SLC9A9: variants seen among roughly 807,000 people sequenced by gnomAD.
SLC9A9 encodes solute carrier family 9 member A9.
SLC9A9 carries 62 observed loss-of-function variants against 77.8 expected under a neutral mutation model. The ratio of observed to expected loss-of-function variants is 0.80; its 90% CI spans 0.65 to 0.98. The LOEUF (loss-of-function observed/expected upper bound fraction) is 0.98, where lower values mean the gene tolerates loss of function less well. Ranked by LOEUF, SLC9A9 falls within the 50% of genes least tolerant of loss-of-function variation. SLC9A9 has a pLI of 0.00. For synonymous variants in SLC9A9, 320 were observed against 283.5 expected, an observed-to-expected ratio of 1.13 and a Z score of -1.29; for missense variants, 775 against 774.9, an observed-to-expected ratio of 1.00 and a Z score of 0.00.
intron 9 of SLC9A9, among the ~76,000 whole-genome samples, chr3:143,520,973 C>A (rs193250613): frequency 1.3e-5 from 2 of 152,288 alleles, no homozygotes; most frequent in Non-Finnish European, 2.9e-5. Context: ...ATTCTGGACA[C>A]TGATCCTTTG....
intron 6 of SLC9A9, among the ~76,000 whole-genome samples, chr3:143,599,426 G>C (rs11915855): frequency 6.6e-6 from 1 of 151,836 alleles, no homozygotes; most frequent in Non-Finnish European, 1.5e-5. Context: ...AAAGAAATAC[G>C]GCTGTGCTTA....
At chr3:143,533,000 CA>C (rs2036537979) in intron 9 of SLC9A9, among the ~76,000 whole-genome samples, 1 of 152,222 alleles carries the variant, frequency 6.6e-6, no homozygotes, top group African/African-American at 2.4e-5. Flanking sequence ...TTACTCCCCT[CA>C]GAGAACTTAA....
At chr3:143,440,582 A>G (rs2034714593) in intron 12 of SLC9A9, among the ~76,000 whole-genome samples, 1 of 152,120 alleles carries the variant, frequency 6.6e-6, no homozygotes. Context: ...GATGCTCTTC[A>G]TGTTCCACAG....
chr3:143,332,068 G>A (rs1210374133), intron 14 of SLC9A9, among the ~76,000 whole-genome samples: 1 of 152,162 alleles, frequency 6.6e-6, no homozygotes, highest in Non-Finnish European at 1.5e-5. Flanking sequence ...ATAAGAAATA[G>A]ATTGTGGATA....
intron 12 of SLC9A9, among the ~76,000 whole-genome samples, chr3:143,382,431 C>T (rs2033328182): frequency 6.6e-6 from 1 of 152,102 alleles, no homozygotes; most frequent in African/African-American, 2.4e-5. Context: ...CAAAAACACA[C>T]ATTCTGGAAA....
chr3:143,501,718 C>T (rs568294156), intron 9 of SLC9A9, among the ~76,000 whole-genome samples: 1 of 151,074 alleles, frequency 6.6e-6, no homozygotes, highest in East Asian at 1.9e-4. Flanking sequence ...TACTGATTAG[C>T]ACTCCTTTTG....
chr3:143,764,994 C>T (rs7619055), intron 4 of SLC9A9, among the ~76,000 whole-genome samples: 6 of 123,720 alleles, frequency 4.8e-5, no homozygotes, highest in East Asian at 2.3e-4. Flanking sequence ...TTCCTTCCTT[C>T]CTTCCTTTCT....
intron 4 of SLC9A9, among the ~76,000 whole-genome samples, chr3:143,731,808 T>G (rs1271115080): frequency 2.6e-5 from 4 of 152,248 alleles, no homozygotes; most frequent in Non-Finnish European, 4.4e-5. Context: ...AGGTTATCTT[T>G]GAGCCAAATC....
intron 4 of SLC9A9, among the ~76,000 whole-genome samples, chr3:143,792,118 A>T (rs1985503): frequency 0.15 from 22,293 of 152,224 alleles, 1,930 homozygotes; most frequent in South Asian, 0.28. Flanking sequence ...GTATCTACTT[A>T]ATAGGATTAT....
chr3:143,760,121 T>C (rs1026809805), intron 4 of SLC9A9, among the ~76,000 whole-genome samples: 2 of 152,142 alleles, frequency 1.3e-5, no homozygotes, highest in African/African-American at 4.8e-5. Context: ...ATTGGCTTTA[T>C]GGAAATGGTT....
intron 1 of SLC9A9, among the ~76,000 whole-genome samples, chr3:143,839,347 T>G (rs1213487305): frequency 6.6e-6 from 1 of 152,166 alleles, no homozygotes; most frequent in Non-Finnish European, 1.5e-5. Context: ...TCCATGAAGC[T>G]AATTAACCTT....
intron 8 of SLC9A9, among the ~76,000 whole-genome samples, chr3:143,565,917 T>G (rs2037160598): frequency 6.6e-6 from 1 of 152,094 alleles, no homozygotes; most frequent in South Asian, 2.1e-4. Context: ...TCCTGGAGAT[T>G]TGTTTTATTT....
intron 9 of SLC9A9, chr3:143,504,031 T>A: frequency 2.1e-6 from 1 of 484,274 alleles, no homozygotes; most frequent in Non-Finnish European, 4.1e-6. Context: ...TGGGGTAGGA[T>A]CTCACTCCTG....
intron 12 of SLC9A9, among the ~76,000 whole-genome samples, chr3:143,452,503 T>TAAAAAAAAAAAAAAAAAAAAAC (rs58038873): frequency 9.2e-6 from 1 of 108,882 alleles, no homozygotes; most frequent in Non-Finnish European, 1.9e-5. Flanking sequence ...TTAAAAAGAC[T>TAAAAAAAAAAAAAAAAAAAAAC]AAAAAAAAAA....
At chr3:143,484,170 C>T (rs1404773358) in intron 11 of SLC9A9, among the ~76,000 whole-genome samples, 2 of 152,080 alleles carry the variant, frequency 1.3e-5, no homozygotes, top group African/African-American at 2.4e-5. Flanking sequence ...TAAAGTCATT[C>T]TCTTATTGGA....
chr3:143,373,950 C>G (rs942477688), intron 13 of SLC9A9, among the ~76,000 whole-genome samples: 1 of 151,980 alleles, frequency 6.6e-6, no homozygotes, highest in Non-Finnish European at 1.5e-5. Flanking sequence ...AAATATCAAC[C>G]AAGAGTTCCA....
intron 6 of SLC9A9, among the ~76,000 whole-genome samples, chr3:143,585,949 C>T (rs1231869910): frequency 2.0e-5 from 3 of 152,256 alleles, no homozygotes; most frequent in Admixed American, 1.3e-4. Flanking sequence ...GTGGGATGAG[C>T]TCGCAGCCTC....
intron 12 of SLC9A9, among the ~76,000 whole-genome samples, chr3:143,436,662 G>A (rs1037218693): frequency 1.3e-5 from 2 of 152,200 alleles, no homozygotes; most frequent in African/African-American, 2.4e-5. Flanking sequence ...GCCTTGTTAC[G>A]GACTGTAATT....
chr3:143,814,932 C>T (rs1034670149), intron 2 of SLC9A9, among the ~76,000 whole-genome samples: 1 of 152,002 alleles, frequency 6.6e-6, no homozygotes, highest in East Asian at 1.9e-4. Flanking sequence ...GAACAGTGGG[C>T]TCTGGGCCTT....
Sources: allele counts gnomAD v4.1 joint callset (sites outside exome capture counted in the v4.1 genomes callset), GRCh38; gene constraint gnomAD v4.1.1; transcripts MANE v1.5; gene names NCBI Gene and HGNC (gene_info 2026-07-23, HGNC 2026-07-21).